The following CATSPERE variants were observed in gnomAD, a reference collection of about 807,000 sequenced individuals.
The protein encoded by CATSPERE is catsper channel auxiliary subunit epsilon.
CATSPERE carries 93 observed loss-of-function variants against 114.1 expected under a neutral mutation model. The observed-to-expected ratio is 0.81, with a 90% CI of 0.69 to 0.97. The LOEUF (loss-of-function observed/expected upper bound fraction) is 0.97, where lower values mean the gene tolerates loss of function less well. Among genes scored for constraint, CATSPERE ranks in the 50% least tolerant of loss-of-function variants. The probability of loss-of-function intolerance (pLI) is 0.00; values close to 1 mark genes in which losing one functional copy is unlikely to be tolerated. For missense variants in CATSPERE, 1,058 were observed against 1,131.6 expected (o/e 0.93, Z 0.93); for synonymous variants, 341 against 384.1 (o/e 0.89, Z 1.31).
At chr1:244,602,765 C>T (rs1236082274) in intron 17 of CATSPERE, among the ~76,000 whole-genome samples, 1 of 152,148 alleles carries the variant, frequency 6.6e-6, no homozygotes, top group African/African-American at 2.4e-5. Flanking sequence ...AGTTCAGGAA[C>T]AGATATTCTG....
rs528238883 is a variant in CATSPERE at position 244,603,407 on chromosome 1, C to T, written c.2304-2288C>T. ...GGAGGTTACAAATTGCAAGGAAGAG[C>T]TGCCAACTAGTAACATTTCTGCATT... On this transcript the variant is annotated intron_variant, in intron 17 of 21. Transcript: ENST00000366534. Among the ~76,000 whole-genome samples, 22 of 152,298 alleles carry T rather than the reference C, an allele frequency of 1.4e-4. No homozygotes were observed. In the East Asian group the frequency reaches 4.2e-3, roughly 29 times the overall value.
At chr1:244,463,199 A>C (rs1667084298) in intron 1 of CATSPERE, among the ~76,000 whole-genome samples, 1 of 152,186 alleles carries the variant, frequency 6.6e-6, no homozygotes, top group Non-Finnish European at 1.5e-5. Flanking sequence ...TTAAAAGCTA[A>C]AAATTATTAA....
chr1:244,462,124 GC>G (rs1014485926), intron 1 of CATSPERE, among the ~76,000 whole-genome samples: 2 of 152,130 alleles, frequency 1.3e-5, no homozygotes, highest in Non-Finnish European at 2.9e-5. Context: ...GAGCTATCGC[GC>G]CCCGGCCCCT....
At chr1:244,492,019 G>A (rs1237984204) in intron 6 of CATSPERE, among the ~76,000 whole-genome samples, 1 of 152,138 alleles carries the variant, frequency 6.6e-6, no homozygotes, top group African/African-American at 2.4e-5. Context: ...TGAGGTACAA[G>A]GAGGAGCTGG....
intron 7 of CATSPERE, among the ~76,000 whole-genome samples, chr1:244,505,941 G>A (rs1297667999): frequency 1.3e-5 from 2 of 152,098 alleles, no homozygotes; most frequent in Non-Finnish European, 2.9e-5. Context: ...GGGAGGCGGA[G>A]GTTGCAGTAA....
rs67626437 is a variant in CATSPERE, at chr1:244,553,602, TACACACACACACACACACAC to T, written c.1029+812_1029+831del. Reference sequence around the variant, plus strand: ...TCTCAAAAAAAAAAAAAAAAAAAAATACACACACACACACACACACACACACACACACACACACACACATA... The same window carrying T: ...TCTCAAAAAAAAAAAAAAAAAAAAATACACACACACACACACACACACATA... On this transcript the variant is annotated intron_variant, in intron 9 of 21. Transcript: ENST00000366534. Among the ~76,000 whole-genome samples the T allele has an allele frequency of 5.3e-4, 49 of 91,944 alleles. 1 individual carries two copies. Among genetic ancestry groups the T allele is most frequent in the Non-Finnish European group, 1.7e-4 (9 of 52,634 alleles). The allele number at this position is 91,944 out of a possible 152,430, so 60.3% of individuals were successfully genotyped here.
intron 17 of CATSPERE, among the ~76,000 whole-genome samples, chr1:244,601,628 C>G (rs1044100870): frequency 6.6e-6 from 1 of 152,016 alleles, no homozygotes; most frequent in Non-Finnish European, 1.5e-5. Flanking sequence ...GAGTAGGGAA[C>G]GAAGAGAAGG....
intron 4 of CATSPERE, among the ~76,000 whole-genome samples, chr1:244,479,404 T>C (rs537199149): frequency 5.9e-5 from 9 of 152,256 alleles, no homozygotes; most frequent in African/African-American, 2.2e-4. Flanking sequence ...CATCTGACTT[T>C]TGAAAAGCAC....
intron 14 of CATSPERE, among the ~76,000 whole-genome samples, chr1:244,590,502 G>A (rs1558553145): frequency 3.3e-5 from 5 of 152,146 alleles, no homozygotes; most frequent in South Asian, 4.1e-4. Flanking sequence ...GTACCTTCAC[G>A]ATGTTGTACA....
In CATSPERE at chr1:244,575,398, C is replaced by T. The variant is rs759966719; in HGVS notation, c.1950+2626C>T. Among the ~76,000 whole-genome samples, 2 of 152,186 alleles carry T rather than the reference C, an allele frequency of 1.3e-5. No individual in the cohort carries two copies. The highest frequency in any genetic ancestry group is 2.1e-4 in the South Asian group (1 of 4,834). Reference sequence around the variant, plus strand: ...GACCTACCTCTTGGCTGCCGGGCTGCGCGGCATGGTATCCTGGCCCCGGCA... The same window carrying T: ...GACCTACCTCTTGGCTGCCGGGCTGTGCGGCATGGTATCCTGGCCCCGGCA... On this transcript the variant is annotated intron_variant, in intron 11 of 21. Coordinates refer to ENST00000366534, the MANE Select transcript of CATSPERE (RefSeq NM_001130957.2). The surrounding 1 kb of genome is among the most constrained non-coding windows in gnomAD (Gnocchi z 4.5).
intron 18 of CATSPERE, among the ~76,000 whole-genome samples, chr1:244,606,146 G>C (rs1021971369): frequency 3.9e-5 from 6 of 152,078 alleles, no homozygotes; most frequent in Non-Finnish European, 8.8e-5. Flanking sequence ...GGACACTCTG[G>C]GCTTCGTCTC....
upstream of CATSPERE, among the ~76,000 whole-genome samples, chr1:244,456,470 G>A (rs546758269): frequency 1.9e-3 from 282 of 151,956 alleles, 2 homozygotes; most frequent in Non-Finnish European, 3.4e-3. Flanking sequence ...AAAAATGAGC[G>A]CTTACATCAC....
chr1:244,536,220 G>A (rs141829098), intron 8 of CATSPERE, among the ~76,000 whole-genome samples: 1 of 151,884 alleles, frequency 6.6e-6, no homozygotes, highest in Non-Finnish European at 1.5e-5. Context: ...GTGCTGCCTA[G>A]TGTTGGGGAG....
At chr1:244,581,517 T>C (rs1372895602) in intron 11 of CATSPERE, among the ~76,000 whole-genome samples, 1 of 152,202 alleles carries the variant, frequency 6.6e-6, no homozygotes, top group African/African-American at 2.4e-5. Flanking sequence ...ATGTCAAACA[T>C]ACAGAAAAGT....
At chr1:244,559,030 G>A (rs1331388657) in intron 9 of CATSPERE, among the ~76,000 whole-genome samples, 3 of 152,158 alleles carry the variant, frequency 2.0e-5, no homozygotes, top group African/African-American at 7.2e-5. Flanking sequence ...TGCTTCAAAA[G>A]GATCTCTCAC....
chr1:244,475,100 C>T (rs1310772660), intron 2 of CATSPERE, among the ~76,000 whole-genome samples: 1 of 151,942 alleles, frequency 6.6e-6, no homozygotes, highest in Non-Finnish European at 1.5e-5. Flanking sequence ...CTTCCCAATG[C>T]CCTTTCATTT....
Position 244,572,741 on chromosome 1 carries a change from A to G in CATSPERE, c.1919A>G (p.Glu640Gly), listed in dbSNP as rs778424939. Residue 640 changes from glutamate (E) to glycine (G), a missense_variant, in exon 11 of 22, where the codon GAA becomes GGA. Coordinates refer to ENST00000366534, the MANE Select transcript of CATSPERE (RefSeq NM_001130957.2). ...CAAGAGAGTCATGAGATTTCCTTTGAAGCTGCCTTTGGATACTGCACCAAA... is the reference window on the plus strand; with the variant it reads ...CAAGAGAGTCATGAGATTTCCTTTGGAGCTGCCTTTGGATACTGCACCAAA... ...ILQESHEISF[E>G]AAFGYCTKTL... The G allele has an allele frequency of 1.9e-6, 3 of 1,608,682 alleles. No homozygotes were observed. In the South Asian group the frequency reaches 3.4e-5, roughly 18 times the overall value.
chr1:244,600,758 C>A (rs1406741647), intron 17 of CATSPERE, among the ~76,000 whole-genome samples: 1 of 147,840 alleles, frequency 6.8e-6, no homozygotes, highest in Non-Finnish European at 1.5e-5. Flanking sequence ...AAGAATCGAT[C>A]ATCAAATCCA....
intron 7 of CATSPERE, among the ~76,000 whole-genome samples, chr1:244,514,785 C>T (rs749107984): frequency 3.5e-5 from 5 of 144,504 alleles, no homozygotes; most frequent in Non-Finnish European, 7.5e-5. Context: ...GCCGAGATCA[C>T]GTCACTGCAC....
Sources: gnomAD v4.1 joint callset for allele counts (sites outside exome capture counted in the v4.1 genomes callset) on GRCh38, gnomAD v4.1.1 for gene constraint, Gnocchi (gnomAD v3.1) non-coding constraint, MANE v1.5 for transcripts, NCBI Gene and HGNC (gene_info 2026-07-23, HGNC 2026-07-21) for gene names.